ZMAT1: variants seen among roughly 807,000 people sequenced by gnomAD.
ZMAT1 encodes the protein zinc finger matrin-type protein 1.
ZMAT1 carries 11 observed loss-of-function variants against 18.5 expected under a neutral mutation model. The observed-to-expected ratio is 0.59, with a 90% confidence interval of 0.37 to 0.98. ZMAT1 has a LOEUF of 0.98. ZMAT1 is among the 50% of genes least tolerant of loss of function. ZMAT1 has a pLI of 0.01. For synonymous variants in ZMAT1, 211 were observed against 176.4 expected (o/e 1.20, Z -1.55); for missense variants, 525 against 496.2 (o/e 1.06, Z -0.55).
chrX:101,894,601 G>C, intron 4 of ZMAT1: 1 of 558,320 alleles, frequency 1.8e-6, no homozygotes, highest in East Asian at 1.7e-4. Flanking sequence ...CAGGGAAATA[G>C]AAATCGTGTT....
At position 101,898,005 on chromosome X, in the gene ZMAT1, C is replaced by T; in HGVS notation, c.539G>A (p.Cys180Tyr). 8.3e-7 allele frequency: 1 copy of T among 1,211,420 alleles called. No individual in the cohort carries two copies. ...GCTAAACATCATGTTGCAGAGATCACAAAATTTGTTTTTGTCCACTCCTTC... is the reference window on the plus strand; with the variant it reads ...GCTAAACATCATGTTGCAGAGATCATAAAATTTGTTTTTGTCCACTCCTTC... Reference protein sequence around the residue: ...RYEGVDKNKFCDLCNMMFSSP... With the variant: ...RYEGVDKNKFYDLCNMMFSSP... The change falls in exon 4 of 6, where the codon TGT (cysteine) becomes TAT (tyrosine). Residue 180 changes from cysteine to tyrosine, a missense_variant. Transcript: ENST00000651725.
Position 101,882,819 on chromosome X carries a change from T to C in ZMAT1, c.*691A>G, listed in dbSNP as rs1926572539. On this transcript the variant is annotated 3_prime_UTR_variant, in exon 6 of 6. Transcript: ENST00000651725. ...TTACTTCACTTGGCTTTTTTAGAGATTAAAGTAGCCATCCACCTAGAAAAA... is the reference window on the plus strand; with the variant it reads ...TTACTTCACTTGGCTTTTTTAGAGACTAAAGTAGCCATCCACCTAGAAAAA... 9.0e-6 allele frequency: 1 copy of C among 111,055 alleles called. No homozygotes were observed. Among genetic ancestry groups the C allele is most frequent in the Non-Finnish European group, 1.9e-5 (1 of 52,841 alleles). 9.2% of individuals were successfully genotyped at this position (111,055 alleles called of 1,213,427 possible).
intron 2 of ZMAT1, among the ~76,000 whole-genome samples, chrX:101,900,470 A>T (rs1484813421): frequency 8.9e-6 from 1 of 111,777 alleles, no homozygotes; most frequent in Non-Finnish European, 1.9e-5. Flanking sequence ...TGTTGAGTTG[A>T]TTTTTGTATA....
intron 1 of ZMAT1, among the ~76,000 whole-genome samples, chrX:101,925,835 G>A (rs1157235135): frequency 8.9e-6 from 1 of 112,343 alleles, no homozygotes; most frequent in Non-Finnish European, 1.9e-5. Context: ...ACTGATTGTG[G>A]TGAGGAGCCT....
At chrX:101,916,714 C>T (rs1603283005) in intron 1 of ZMAT1, among the ~76,000 whole-genome samples, 1 of 111,308 alleles carries the variant, frequency 9.0e-6, no homozygotes, top group East Asian at 2.8e-4. Flanking sequence ...TACAGAAGAC[C>T]CAGAATAGCC....
chrX:101,925,345 A>C (rs1049947493), intron 1 of ZMAT1, among the ~76,000 whole-genome samples: 1 of 112,585 alleles, frequency 8.9e-6, no homozygotes, highest in African/African-American at 3.2e-5. Context: ...TCTATAAATA[A>C]GAGTGTTTTA....
At chrX:101,904,073 T>G in intron 2 of ZMAT1, 151 bp downstream of exon 2, 1 of 413,120 alleles carries the variant, frequency 2.4e-6, no homozygotes, top group Non-Finnish European at 4.2e-6. Flanking sequence ...TTACCATCCC[T>G]TTCTGAGCCA....
intron 1 of ZMAT1, among the ~76,000 whole-genome samples, chrX:101,905,651 G>T (rs950554165): frequency 9.0e-6 from 1 of 111,637 alleles, no homozygotes; most frequent in Non-Finnish European, 1.9e-5. Flanking sequence ...TTTAAAAATG[G>T]TTAACTCTGG....
At chrX:101,890,851 A>C (rs754873588) in intron 4 of ZMAT1, among the ~76,000 whole-genome samples, 1 of 111,555 alleles carries the variant, frequency 9.0e-6, no homozygotes, top group Non-Finnish European at 1.9e-5. Context: ...AAAAAAGCAT[A>C]GACGTGCTTA....
chrX:101,927,543 A>C (rs1418489350), intron 1 of ZMAT1, among the ~76,000 whole-genome samples: 1 of 112,529 alleles, frequency 8.9e-6, no homozygotes, highest in Non-Finnish European at 1.9e-5. Flanking sequence ...AGAATTAACA[A>C]AATAATTGGG....
At chrX:101,886,508 A>G in intron 5 of ZMAT1, 124 bp downstream of exon 5, 1 of 460,865 alleles carries the variant, frequency 2.2e-6, no homozygotes, top group Non-Finnish European at 3.8e-6. Context: ...AATATTGCCA[A>G]CCATACCCAG....
chrX:101,904,777 TA>T (rs962112572), intron 1 of ZMAT1, among the ~76,000 whole-genome samples: 31 of 106,648 alleles, frequency 2.9e-4, no homozygotes, highest in South Asian at 4.1e-4. Context: ...ACACAATCTC[TA>T]AAAAAAAAAT....
At chrX:101,893,572 G>A (rs907401825) in intron 4 of ZMAT1, among the ~76,000 whole-genome samples, 1 of 111,778 alleles carries the variant, frequency 8.9e-6, no homozygotes, top group African/African-American at 3.2e-5. Flanking sequence ...GTTATCTGAT[G>A]CATGTATTAA....
At chrX:101,890,248 T>C (rs934786109) in intron 4 of ZMAT1, 19 of 111,983 alleles carry the variant, frequency 1.7e-4, no homozygotes, top group African/African-American at 6.2e-4. Flanking sequence ...CTAAGAAGGA[T>C]ACTGCAGAAT....
At chrX:101,885,140 C>T (rs1236791127) in intron 5 of ZMAT1, among the ~76,000 whole-genome samples, 1 of 110,187 alleles carries the variant, frequency 9.1e-6, no homozygotes, top group Admixed American at 9.7e-5. Flanking sequence ...TCCTTTGGCC[C>T]GGGATGAAAG....
chrX:101,913,697 A>T (rs1205959272), intron 1 of ZMAT1, among the ~76,000 whole-genome samples: 1 of 111,737 alleles, frequency 8.9e-6, no homozygotes, highest in Non-Finnish European at 1.9e-5. Flanking sequence ...TATAAAGGAA[A>T]TATTACTCAA....
At chrX:101,885,130 T>C (rs1926840987) in intron 5 of ZMAT1, among the ~76,000 whole-genome samples, 1 of 110,467 alleles carries the variant, frequency 9.1e-6, no homozygotes, top group Non-Finnish European at 1.9e-5. Flanking sequence ...AAAGGAAATT[T>C]CCTTTGGCCC....
intron 4 of ZMAT1, 158 bp from the exon 5 acceptor site, chrX:101,886,889 A>G: frequency 2.3e-6 from 1 of 426,859 alleles, no homozygotes; most frequent in Non-Finnish European, 4.1e-6. Flanking sequence ...TCAAAGTCAC[A>G]GAGCAAGTTA....
intron 1 of ZMAT1, chrX:101,911,424 T>A (rs1928956122): frequency 2.2e-6 from 1 of 449,010 alleles, no homozygotes; most frequent in Non-Finnish European, 3.7e-6. Flanking sequence ...ACTACTCTTA[T>A]CCTAAGTAGA....
Sources: gnomAD v4.1 joint callset for allele counts (sites outside exome capture counted in the v4.1 genomes callset) on GRCh38, gnomAD v4.1.1 for gene constraint, MANE v1.5 for transcripts, NCBI Gene and HGNC (gene_info 2026-07-23, HGNC 2026-07-21) for gene names.